Variants in NOS1AP observed in about 807,000 individuals in gnomAD.
The protein encoded by NOS1AP is carboxyl-terminal PDZ ligand of neuronal nitric oxide synthase protein.
Under a neutral mutation model 56.2 loss-of-function variants are expected in NOS1AP, and 21 were observed. The ratio of observed to expected loss-of-function variants is 0.37; its 90% CI spans 0.26 to 0.54. The LOEUF (loss-of-function observed/expected upper bound fraction) is 0.54. Among genes scored for constraint, NOS1AP ranks in the 20% least tolerant of loss-of-function variants. The pLI is 0.84. For synonymous variants in NOS1AP, 270 were observed against 274.6 expected, an observed-to-expected ratio of 0.98 and a Z score of 0.17; for missense variants, 522 against 657.8, an observed-to-expected ratio of 0.79 and a Z score of 2.26.
At chr1:162,286,590 C>T (rs1485093752) in intron 2 of NOS1AP, among the ~76,000 whole-genome samples, 1 of 152,144 alleles carries the variant, frequency 6.6e-6, no homozygotes, top group Non-Finnish European at 1.5e-5. Flanking sequence ...CCAGAAAGAG[C>T]TGAGATTGAG....
At chr1:162,183,431 G>C (rs1557823584) in intron 2 of NOS1AP, among the ~76,000 whole-genome samples, 1 of 152,188 alleles carries the variant, frequency 6.6e-6, no homozygotes, top group Non-Finnish European at 1.5e-5. Context: ...AAAGTCACCA[G>C]CTGTATCACT....
chr1:162,173,079 C>T (rs1232470018), intron 2 of NOS1AP, among the ~76,000 whole-genome samples: 3 of 152,160 alleles, frequency 2.0e-5, no homozygotes. Context: ...CAGGTGGGTG[C>T]TACCATGCCC....
chr1:162,125,130 C>CTTTTTTTTTTT (rs56264198), intron 1 of NOS1AP, among the ~76,000 whole-genome samples: 16 of 124,136 alleles, frequency 1.3e-4, no homozygotes, highest in African/African-American at 5.2e-4. Flanking sequence ...GTTTCTGACT[C>CTTTTTTTTTTT]TTTTTTTTTT....
At chr1:162,119,688 T>C (rs542813397) in intron 1 of NOS1AP, among the ~76,000 whole-genome samples, 24 of 152,344 alleles carry the variant, frequency 1.6e-4, no homozygotes, top group Non-Finnish European at 5.9e-5. Context: ...TCCCTAATTC[T>C]TTATGCGGCT....
intron 2 of NOS1AP, among the ~76,000 whole-genome samples, chr1:162,186,659 C>G (rs1027959376): frequency 2.6e-5 from 4 of 152,198 alleles, no homozygotes; most frequent in Admixed American, 1.3e-4. Flanking sequence ...GTCAAGTTCA[C>G]TCTCTTGGCT....
At chr1:162,134,921 T>G (rs1012551233) in intron 1 of NOS1AP, among the ~76,000 whole-genome samples, 3 of 152,220 alleles carry the variant, frequency 2.0e-5, no homozygotes, top group African/African-American at 7.2e-5. Flanking sequence ...GGCAGAGGAC[T>G]TGTAGCATCT....
chr1:162,223,626 T>A (rs1431015497), intron 2 of NOS1AP, among the ~76,000 whole-genome samples: 1 of 152,206 alleles, frequency 6.6e-6, no homozygotes, highest in Non-Finnish European at 1.5e-5. Context: ...AAAAAAAATT[T>A]AATTGTGTTT....
At chr1:162,243,325 TG>T (rs1326464138) in intron 2 of NOS1AP, among the ~76,000 whole-genome samples, 1 of 152,064 alleles carries the variant, frequency 6.6e-6, no homozygotes, top group Non-Finnish European at 1.5e-5. Flanking sequence ...TGAGGGGCAA[TG>T]GGCATGGGCT....
intron 8 of NOS1AP, chr1:162,362,898 A>T (rs1657950712): frequency 2.1e-6 from 2 of 952,212 alleles, no homozygotes; most frequent in Non-Finnish European, 1.3e-6. Context: ...CCAGATTACA[A>T]TATTATTGAC....
chr1:162,155,400 TCA>T (rs1649926307), intron 2 of NOS1AP, among the ~76,000 whole-genome samples: 11 of 114,162 alleles, frequency 9.6e-5, no homozygotes, highest in African/African-American at 3.4e-4. Flanking sequence ...TATAGAGAGC[TCA>T]TATATATATA....
rs531710154 is a variant in NOS1AP, at chr1:162,157,510, A to G, written c.177+3034A>G. 4.6e-5 allele frequency among the ~76,000 whole-genome samples: 7 copies of G among 152,298 alleles called. No individual in the cohort carries two copies. In the South Asian group the frequency reaches 1.2e-3, roughly 27 times the overall value. ...GGACTATTCTTGACTTTGTCTTTTTATGTAGAACGGTGCCAGGCTAACATT... is the reference window on the plus strand; with the variant it reads ...GGACTATTCTTGACTTTGTCTTTTTGTGTAGAACGGTGCCAGGCTAACATT... On this transcript the variant is annotated intron_variant, in intron 2 of 9. Transcript: ENST00000361897.
intron 5 of NOS1AP, among the ~76,000 whole-genome samples, chr1:162,343,134 G>T (rs1657164116): frequency 6.6e-6 from 1 of 152,164 alleles, no homozygotes; most frequent in Non-Finnish European, 1.5e-5. Context: ...AGGCTTCTTT[G>T]TCCTCTCTCT....
At chr1:162,244,993 C>CTTGAGGGTA (rs1557846830) in intron 2 of NOS1AP, among the ~76,000 whole-genome samples, 1 of 152,082 alleles carries the variant, frequency 6.6e-6, no homozygotes, top group East Asian at 1.9e-4. Flanking sequence ...GAGGGAAGAC[C>CTTGAGGGTA]ATAGCTGCCT....
chr1:162,355,820 T>C (rs1657687346), intron 7 of NOS1AP, among the ~76,000 whole-genome samples: 1 of 152,168 alleles, frequency 6.6e-6, no homozygotes, highest in Admixed American at 6.5e-5. Flanking sequence ...GCCCACTGGA[T>C]GTCAGAAACT....
At chr1:162,072,106 A>ATAGG (rs1243152143) in intron 1 of NOS1AP, among the ~76,000 whole-genome samples, 1 of 151,260 alleles carries the variant, frequency 6.6e-6, no homozygotes, top group Non-Finnish European at 1.5e-5. Flanking sequence ...AGATAGATAG[A>ATAGG]TAGATAGAAA....
chr1:162,075,031 T>TG (rs1691739223), intron 1 of NOS1AP, among the ~76,000 whole-genome samples: 2 of 152,220 alleles, frequency 1.3e-5, no homozygotes, highest in Non-Finnish European at 2.9e-5. Flanking sequence ...TAAGCCCTAC[T>TG]TCTTGATGGG....
intron 4 of NOS1AP, among the ~76,000 whole-genome samples, chr1:162,318,672 G>T: frequency 6.6e-6 from 1 of 151,872 alleles, no homozygotes; most frequent in African/African-American, 2.4e-5. Context: ...ATCCTCAGGG[G>T]ATGTCGTATT....
chr1:162,239,205 G>A (rs1483225915), intron 2 of NOS1AP, among the ~76,000 whole-genome samples: 1 of 152,196 alleles, frequency 6.6e-6, no homozygotes, highest in Non-Finnish European at 1.5e-5. Context: ...AGACAAATCA[G>A]ATATGGGCTC....
At chr1:162,074,367 C>T (rs930185860) in intron 1 of NOS1AP, among the ~76,000 whole-genome samples, 3 of 152,216 alleles carry the variant, frequency 2.0e-5, no homozygotes, top group Admixed American at 2.0e-4. Flanking sequence ...TTAATAGTTG[C>T]TCCCTTTGTA....
Sources: gnomAD v4.1 joint callset for allele counts (sites outside exome capture counted in the v4.1 genomes callset) on GRCh38, gnomAD v4.1.1 for gene constraint, MANE v1.5 for transcripts, NCBI Gene and HGNC (gene_info 2026-07-23, HGNC 2026-07-21) for gene names.